Variants in ATP8A2 observed in about 807,000 individuals in gnomAD.
ATP8A2 encodes the protein phospholipid-transporting ATPase IB.
A neutral mutation model predicts 165.6 loss-of-function variants in ATP8A2; 100 were observed. The observed-to-expected ratio is 0.60, with a 90% confidence interval of 0.51 to 0.71. The LOEUF (loss-of-function observed/expected upper bound fraction) is 0.71. Ranked by LOEUF, ATP8A2 falls within the 30% of genes least tolerant of loss-of-function variation. The probability of loss-of-function intolerance (pLI) is 0.00; values close to 1 mark genes in which losing one functional copy is unlikely to be tolerated. For synonymous variants in ATP8A2, 543 were observed against 548.8 expected (o/e 0.99, Z 0.15); for missense variants, 1,227 against 1,479.5 (o/e 0.83, Z 2.80).
rs1235018450 is a variant in ATP8A2, at chr13:25,372,353, G to A, written c.76+65G>A. 1.6e-6 allele frequency: 2 copies of A among 1,249,934 alleles called. No individual in the cohort carries two copies. The highest frequency in any genetic ancestry group is 2.1e-6 in the Non-Finnish European group (2 of 943,976). 77.4% of individuals were successfully genotyped at this position (1,249,934 alleles called of 1,614,324 possible). A position where few individuals can be genotyped will look rare whatever the true frequency, so the allele number is the denominator to read the frequency against. ...GGCGGGGGCGGCGCGGGGCGCGCCTGCGGTTATGCGACACTGCCCCGCCCG... is the reference window on the plus strand; with the variant it reads ...GGCGGGGGCGGCGCGGGGCGCGCCTACGGTTATGCGACACTGCCCCGCCCG... On this transcript the variant is annotated intron_variant, in intron 1 of 36. Coordinates refer to ENST00000381655, the MANE Select transcript of ATP8A2 (RefSeq NM_016529.6). This position sits in a 1 kb window ranked among gnomAD's most constrained non-coding sequence, Gnocchi z 4.8.
At chr13:25,639,424 G>A (rs1204607774) in intron 24 of ATP8A2, among the ~76,000 whole-genome samples, 2 of 152,108 alleles carry the variant, frequency 1.3e-5, no homozygotes, top group Non-Finnish European at 2.9e-5. Flanking sequence ...TAAGCAAATG[G>A]AAAACAAGAA....
intron 27 of ATP8A2, among the ~76,000 whole-genome samples, chr13:25,795,270 TTTTTGAG>T (rs1950477936): frequency 6.6e-6 from 1 of 152,232 alleles, no homozygotes; most frequent in African/African-American, 2.4e-5. Context: ...TCCCTCACTA[TTTTTGAG>T]TTTTAAGAAG....
intron 24 of ATP8A2, among the ~76,000 whole-genome samples, chr13:25,671,463 G>T (rs151242713): frequency 0.015 from 2,309 of 152,266 alleles, 57 homozygotes; most frequent in African/African-American, 0.052. Flanking sequence ...TCTTTCAAAA[G>T]CAAATGGGAG....
At chr13:25,747,582 A>G (rs2044061385) in intron 25 of ATP8A2, among the ~76,000 whole-genome samples, 1 of 130,242 alleles carries the variant, frequency 7.7e-6, no homozygotes, top group South Asian at 2.5e-4. Context: ...AGACACGTGG[A>G]GGTGTGCTTA....
At chr13:25,689,434 A>C (rs2042676157) in intron 24 of ATP8A2, among the ~76,000 whole-genome samples, 1 of 152,196 alleles carries the variant, frequency 6.6e-6, no homozygotes, top group African/African-American at 2.4e-5. Context: ...TTGTAAACTT[A>C]AGTTGTCTAG....
chr13:25,950,992 G>A (rs756010433), intron 33 of ATP8A2, among the ~76,000 whole-genome samples: 32 of 152,172 alleles, frequency 2.1e-4, no homozygotes, highest in Non-Finnish European at 3.8e-4. Flanking sequence ...CATACCAAGT[G>A]CTGCTGAGGA....
chr13:25,893,629 A>G (rs76780497), intron 33 of ATP8A2, among the ~76,000 whole-genome samples: 4 of 152,152 alleles, frequency 2.6e-5, no homozygotes, highest in Non-Finnish European at 4.4e-5. Flanking sequence ...TCGCCACACC[A>G]ACTTCCACAA....
At chr13:25,728,346 C>T (rs558997790) in intron 25 of ATP8A2, among the ~76,000 whole-genome samples, 1 of 152,222 alleles carries the variant, frequency 6.6e-6, no homozygotes, top group African/African-American at 2.4e-5. Context: ...AGTGAGGATA[C>T]CTCATGGAGA....
At position 25,791,595 on chromosome 13, in the gene ATP8A2, G is replaced by A. The variant is rs370136546; in HGVS notation, c.2679+16636G>A. The stretch of plus-strand genomic sequence containing the variant: ...CACACACTCCAGCTACTCCTACTAA[G>A]CAGTCCACTCTGCCTGGAAGTTGCT... On this transcript the variant is annotated intron_variant, in intron 27 of 36. Coordinates refer to ENST00000381655, the MANE Select transcript of ATP8A2 (RefSeq NM_016529.6). Among the ~76,000 whole-genome samples, 117 of 146,810 alleles carry A rather than the reference G, an allele frequency of 8.0e-4. 1 individual carries two copies. The highest frequency in any genetic ancestry group is 3.2e-3 in the South Asian group (15 of 4,630).
At chr13:25,706,166 A>G (rs1012943110) in intron 25 of ATP8A2, among the ~76,000 whole-genome samples, 2 of 152,228 alleles carry the variant, frequency 1.3e-5, no homozygotes, top group Non-Finnish European at 2.9e-5. Flanking sequence ...TTTAGTAAGC[A>G]TAGTATGGAT....
chr13:25,745,108 T>A (rs934213373), intron 25 of ATP8A2, among the ~76,000 whole-genome samples: 2 of 151,960 alleles, frequency 1.3e-5, no homozygotes, highest in African/African-American at 4.8e-5. Flanking sequence ...GCCCAGCTAA[T>A]TTTTTTGTAT....
chr13:25,786,971 C>T (rs941990850), intron 27 of ATP8A2, among the ~76,000 whole-genome samples: 9 of 152,094 alleles, frequency 5.9e-5, no homozygotes, highest in Non-Finnish European at 1.2e-4. Flanking sequence ...TGCTTAGAAA[C>T]GGGGTTTTGC....
chr13:25,877,949 T>C (rs1246406789), intron 33 of ATP8A2, among the ~76,000 whole-genome samples: 2 of 152,212 alleles, frequency 1.3e-5, no homozygotes, highest in Admixed American at 1.3e-4. Context: ...CTCAAAGACC[T>C]GATATGTGTA....
In ATP8A2 at chr13:25,512,492, G is replaced by A. The variant is rs112206577; in HGVS notation, c.222-17507G>A. 7.3e-3 allele frequency among the ~76,000 whole-genome samples: 1,101 copies of A among 151,258 alleles called. 16 individuals carry two copies. The highest frequency in any genetic ancestry group is 0.025 in the African/African-American group (1,031 of 41,270). ...GCACCCCTCATCTCCCGGACGGGGC[G>A]GCTGGCTGGGCGGGGGGCTGACCTC... On this transcript the variant is annotated intron_variant, in intron 2 of 36. Transcript: ENST00000381655.
At chr13:25,526,792 C>T (rs2037854823) in intron 2 of ATP8A2, among the ~76,000 whole-genome samples, 1 of 152,200 alleles carries the variant, frequency 6.6e-6, no homozygotes, top group Admixed American at 6.5e-5. Flanking sequence ...TTGTCTCTGG[C>T]TGTCCCCAGG....
intron 33 of ATP8A2, among the ~76,000 whole-genome samples, chr13:25,889,901 G>T (rs558878836): frequency 6.6e-6 from 1 of 151,966 alleles, no homozygotes; most frequent in African/African-American, 2.4e-5. Flanking sequence ...GGTGGTTCAC[G>T]CCTGTAATCC....
chr13:25,553,686 TC>T (rs2038891853), intron 11 of ATP8A2, 106 bp from the exon 12 acceptor site: 1 of 1,180,242 alleles, frequency 8.5e-7, no homozygotes, highest in Non-Finnish European at 1.2e-6. Flanking sequence ...AACTCACGGT[TC>T]CTGACATGCA....
intron 20 of ATP8A2, 25 bp downstream of exon 20, chr13:25,577,163 G>C (rs112841650): frequency 3.7e-6 from 6 of 1,600,856 alleles, no homozygotes; most frequent in Non-Finnish European, 5.1e-6. Context: ...AGCGTTGTGC[G>C]TAGCGGAGTT....
At chr13:25,960,970 T>G (rs1381134813) in intron 33 of ATP8A2, among the ~76,000 whole-genome samples, 1 of 152,244 alleles carries the variant, frequency 6.6e-6, no homozygotes, top group Non-Finnish European at 1.5e-5. Context: ...CATCTCATAC[T>G]CTGTCGTCTT....
Sources: allele counts gnomAD v4.1 joint callset (sites outside exome capture counted in the v4.1 genomes callset), GRCh38; gene constraint gnomAD v4.1.1; non-coding constraint Gnocchi (gnomAD v3.1); transcripts MANE v1.5; gene names NCBI Gene and HGNC (gene_info 2026-07-23, HGNC 2026-07-21).